The following GPC6 variants were observed in gnomAD, a reference collection of about 807,000 sequenced individuals.
The protein encoded by GPC6 is glypican-6.
A neutral mutation model predicts 55.2 loss-of-function variants in GPC6; 14 were observed. That is an observed-to-expected ratio of 0.25 (90% CI 0.17 to 0.40). GPC6 has a LOEUF of 0.40. Ranked by LOEUF, GPC6 falls within the 10% of genes least tolerant of loss-of-function variation. GPC6 has a pLI of 1.00. For missense variants in GPC6, 641 were observed against 708.5 expected (o/e 0.90, Z 1.08); for synonymous variants, 278 against 259.6 (o/e 1.07, Z -0.68).
At chr13:93,726,516 C>T (rs973360163) in intron 2 of GPC6, among the ~76,000 whole-genome samples, 29 of 152,176 alleles carry the variant, frequency 1.9e-4, no homozygotes, top group African/African-American at 4.1e-4. Flanking sequence ...TTCCTTCCCT[C>T]GGGGTATGTC....
At chr13:93,822,712 T>C (rs1887096719) in intron 2 of GPC6, among the ~76,000 whole-genome samples, 1 of 151,732 alleles carries the variant, frequency 6.6e-6, no homozygotes, top group African/African-American at 2.4e-5. Context: ...TTTTCTGCTC[T>C]TGTGTTAGTT....
At chr13:94,159,172 C>A (rs1220958731) in intron 4 of GPC6, among the ~76,000 whole-genome samples, 1 of 152,162 alleles carries the variant, frequency 6.6e-6, no homozygotes, top group Non-Finnish European at 1.5e-5. Flanking sequence ...CAACTACTTA[C>A]TAGCCCTGAG....
chr13:93,245,392 A>G (rs1016992831), intron 1 of GPC6, among the ~76,000 whole-genome samples: 2 of 151,986 alleles, frequency 1.3e-5, no homozygotes, highest in Admixed American at 6.6e-5. Flanking sequence ...ATAATTTCCT[A>G]ATTTAGATGT....
intron 6 of GPC6, among the ~76,000 whole-genome samples, chr13:94,372,782 C>T (rs1410786365): frequency 2.6e-5 from 4 of 152,196 alleles, no homozygotes; most frequent in Admixed American, 6.5e-5. Context: ...AACAAAAAGA[C>T]AGCAGTAACC....
At chr13:93,231,360 C>CCT (rs1566533348) in intron 1 of GPC6, among the ~76,000 whole-genome samples, 1 of 14,944 alleles carries the variant, frequency 6.7e-5, no homozygotes, top group Non-Finnish European at 1.4e-4. Context: ...TATATATATA[C>CCT]GTATATATAT....
intron 2 of GPC6, among the ~76,000 whole-genome samples, chr13:93,658,499 T>A (rs1170173483): frequency 6.6e-6 from 1 of 151,932 alleles, no homozygotes; most frequent in African/African-American, 2.4e-5. Flanking sequence ...TACCAGAAAT[T>A]TGTATTTCCA....
intron 2 of GPC6, among the ~76,000 whole-genome samples, chr13:93,575,751 T>C (rs1876633888): frequency 6.6e-6 from 1 of 152,228 alleles, no homozygotes; most frequent in African/African-American, 2.4e-5. Context: ...TTCTGAAGAA[T>C]ATTGCATCTG....
chr13:93,672,658 C>CGT (rs1555322640), intron 2 of GPC6, among the ~76,000 whole-genome samples: 1 of 148,898 alleles, frequency 6.7e-6, no homozygotes, highest in Admixed American at 6.7e-5. Context: ...ATATATATGC[C>CGT]ATATATATAT....
intron 1 of GPC6, among the ~76,000 whole-genome samples, chr13:93,297,663 C>T (rs1395195136): frequency 6.6e-6 from 1 of 152,002 alleles, no homozygotes; most frequent in South Asian, 2.1e-4. Flanking sequence ...TGATTTTCCC[C>T]ACCCTCCCCC....
intron 5 of GPC6, among the ~76,000 whole-genome samples, chr13:94,296,966 C>T (rs116195343): frequency 0.016 from 2,481 of 151,842 alleles, 64 homozygotes; most frequent in African/African-American, 0.057. Flanking sequence ...ATAATCAATG[C>T]GTTTGTTAAT....
At chr13:94,348,129 C>A (rs918041933) in intron 6 of GPC6, among the ~76,000 whole-genome samples, 1 of 152,148 alleles carries the variant, frequency 6.6e-6, no homozygotes, top group Non-Finnish European at 1.5e-5. Context: ...GAATGGGTTT[C>A]TTTTAGCCTA....
At chr13:94,237,733 G>T (rs1340674851) in intron 4 of GPC6, among the ~76,000 whole-genome samples, 4 of 152,114 alleles carry the variant, frequency 2.6e-5, no homozygotes, top group Non-Finnish European at 5.9e-5. Flanking sequence ...AAAAAACGTA[G>T]GTGGGCTGGA....
intron 1 of GPC6, among the ~76,000 whole-genome samples, chr13:93,388,004 C>T (rs1381283395): frequency 6.6e-6 from 1 of 152,092 alleles, no homozygotes; most frequent in Non-Finnish European, 1.5e-5. Flanking sequence ...ATATCTCTTT[C>T]TATGGGGCAG....
At chr13:93,384,647 C>A (rs1875322836) in intron 1 of GPC6, among the ~76,000 whole-genome samples, 1 of 152,088 alleles carries the variant, frequency 6.6e-6, no homozygotes, top group Non-Finnish European at 1.5e-5. Flanking sequence ...AGTGACACTG[C>A]ACATTGTGTT....
At chr13:94,391,887 CAT>C (rs970934308) in intron 7 of GPC6, among the ~76,000 whole-genome samples, 16 of 152,298 alleles carry the variant, frequency 1.1e-4, no homozygotes, top group African/African-American at 3.6e-4. Flanking sequence ...TAAGTGGAAT[CAT>C]AAAATATTTG....
chr13:94,043,701 T>C (rs1883623925), intron 4 of GPC6, among the ~76,000 whole-genome samples: 1 of 151,924 alleles, frequency 6.6e-6, no homozygotes, highest in Non-Finnish European at 1.5e-5. Flanking sequence ...GTTTTCTTTA[T>C]CTGCAATATA....
Position 93,776,735 on chromosome 13 carries a change from A to G in GPC6, c.320-53419A>G, listed in dbSNP as rs138214972. ...CTAGGCAATTACTAAATCAATTATTATGCTTGGGTCTGTATCAACTTTGTA... is the reference window on the plus strand; with the variant it reads ...CTAGGCAATTACTAAATCAATTATTGTGCTTGGGTCTGTATCAACTTTGTA... On this transcript the variant is annotated intron_variant, in intron 2 of 8. Transcript: ENST00000377047. 2.2e-4 allele frequency among the ~76,000 whole-genome samples: 34 copies of G among 152,330 alleles called. 1 individual carries two copies. In the Middle Eastern group the frequency reaches 0.014, roughly 61 times the overall value.
chr13:93,478,065 C>T (rs1368423556), intron 1 of GPC6, among the ~76,000 whole-genome samples: 1 of 151,984 alleles, frequency 6.6e-6, no homozygotes, highest in Non-Finnish European at 1.5e-5. Context: ...ATTTTGGGGA[C>T]ATTTACTATG....
intron 4 of GPC6, among the ~76,000 whole-genome samples, chr13:94,106,379 C>T (rs1310522617): frequency 3.3e-5 from 5 of 152,066 alleles, no homozygotes; most frequent in African/African-American, 9.7e-5. Flanking sequence ...GAAAGGATAA[C>T]GTTGGTGAAA....
Sources: allele counts gnomAD v4.1 joint callset (sites outside exome capture counted in the v4.1 genomes callset), GRCh38; gene constraint gnomAD v4.1.1; transcripts MANE v1.5; gene names NCBI Gene and HGNC (gene_info 2026-07-23, HGNC 2026-07-21).